ARHGEF16: variants seen among roughly 807,000 people sequenced by gnomAD.
The protein encoded by ARHGEF16 is Rho guanine nucleotide exchange factor 16.
ARHGEF16 carries 59 observed loss-of-function variants against 74.1 expected under a neutral mutation model. The ratio of observed to expected loss-of-function variants is 0.80; its 90% CI spans 0.65 to 0.99. The LOEUF is 0.99. ARHGEF16 is among the 50% of genes least tolerant of loss of function. ARHGEF16 has a pLI of 0.00. For missense variants in ARHGEF16, 948 were observed against 986.6 expected (o/e 0.96, Z 0.52); for synonymous variants, 415 against 412.6 (o/e 1.01, Z -0.07).
Position 3,474,719 on chromosome 1 carries a change from C to T in ARHGEF16, c.1317C>T (p.Leu439=), listed in dbSNP as rs771979612. The stretch of plus-strand genomic sequence containing the variant: ...TGTTGTCCATCCAGACGCTCTGCCT[C>T]AAGACCCAGGGCCACTCCGAAAGGT... ...RLPLLMDTLC[L]KTQGHSERYK... Residue 439 remains leucine, a synonymous_variant, in exon 9 of 15, where the codon CTC becomes CTT. Transcript: ENST00000378378. 147 of 1,612,750 alleles carry T rather than the reference C, an allele frequency of 9.1e-5. No individual in the cohort carries two copies. The highest frequency in any genetic ancestry group is 7.5e-4 in the Admixed American group (45 of 60,006).
At chr1:3,455,560 G>A (rs1460035436) in intron 1 of ARHGEF16, among the ~76,000 whole-genome samples, 1 of 152,222 alleles carries the variant, frequency 6.6e-6, no homozygotes, top group Non-Finnish European at 1.5e-5. Flanking sequence ...GACTGAGGGA[G>A]TGGCAGCGAT....
intron 8 of ARHGEF16, 181 bp from the exon 9 acceptor site, chr1:3,474,527 G>T (rs1639828038): frequency 8.3e-6 from 5 of 600,106 alleles, no homozygotes; most frequent in South Asian, 7.9e-5. Flanking sequence ...GCCTGACCTG[G>T]CAGAGCTCCA....
intron 11 of ARHGEF16, 101 bp from the exon 12 acceptor site, chr1:3,478,323 C>T: frequency 7.5e-7 from 1 of 1,332,110 alleles, no homozygotes; most frequent in Non-Finnish European, 1.0e-6. Flanking sequence ...TGGCTGCCTC[C>T]CCACCACTGC....
At chr1:3,465,444 G>A (rs1439193286) in intron 2 of ARHGEF16, among the ~76,000 whole-genome samples, 1 of 151,920 alleles carries the variant, frequency 6.6e-6, no homozygotes, top group Non-Finnish European at 1.5e-5. Flanking sequence ...CCTGGAGGCC[G>A]AAGGGGGGCT....
At chr1:3,477,257 TC>T (rs1170384517) in intron 10 of ARHGEF16, among the ~76,000 whole-genome samples, 5 of 54,656 alleles carry the variant, frequency 9.1e-5, no homozygotes, top group Middle Eastern at 9.6e-3. Context: ...CACTCTGCCC[TC>T]CCCCCCACCC....
At chr1:3,464,843 C>T (rs1243481598) in intron 2 of ARHGEF16, among the ~76,000 whole-genome samples, 2 of 152,230 alleles carry the variant, frequency 1.3e-5, no homozygotes, top group African/African-American at 4.8e-5. Context: ...GCTGCCTCCT[C>T]AGGCCCAGCT....
rs966932149 is a variant in ARHGEF16 at position 3,468,586 on chromosome 1, T to TC, written c.805-286dup. The TC allele has an allele frequency of 5.0e-4, 216 of 434,748 alleles. 1 individual carries two copies. Among genetic ancestry groups the TC allele is most frequent in the South Asian group, 7.2e-4 (30 of 41,932 alleles). 26.9% of individuals were successfully genotyped at this position (434,748 alleles called of 1,614,324 possible). A position where few individuals can be genotyped will look rare whatever the true frequency, so the allele number is the denominator to read the frequency against. ...TGCCGGGAAGATCTGTGGGACAAGA[T>TC]CCCCCCCCGCCCTCTGGCCTCTCCC... On this transcript the variant is annotated intron_variant, in intron 4 of 14. Transcript: ENST00000378378.
Position 3,480,735 on chromosome 1 carries a change from C to T in ARHGEF16, c.*148C>T. On this transcript the variant is annotated 3_prime_UTR_variant, in exon 15 of 15. Transcript: ENST00000378378. ...GAGCCTGTGGCTGTGGTGCCGGGCT[C>T]CAGACACTTCACGGAAGGAAGATCA... 2 of 1,108,392 alleles carry T rather than the reference C, an allele frequency of 1.8e-6. No individual in the cohort carries two copies. The highest frequency in any genetic ancestry group is 2.5e-6 in the Non-Finnish European group (2 of 798,466). The allele number at this position is 1,108,392 out of a possible 1,614,324, so 68.7% of individuals were successfully genotyped here.
intron 14 of ARHGEF16, 108 bp from the exon 15 acceptor site, chr1:3,480,340 C>A: frequency 6.8e-7 from 1 of 1,467,320 alleles, no homozygotes; most frequent in Non-Finnish European, 9.2e-7. Flanking sequence ...AGCAGGTGGT[C>A]AGTTCTAGGA....
intron 2 of ARHGEF16, among the ~76,000 whole-genome samples, chr1:3,464,279 G>C (rs1262856024): frequency 6.6e-6 from 1 of 152,196 alleles, no homozygotes. Context: ...GGGACAGAGC[G>C]TCCAGCTGGG....
chr1:3,463,726 G>A, intron 2 of ARHGEF16, 54 bp downstream of exon 2: 2 of 1,327,102 alleles, frequency 1.5e-6, no homozygotes, highest in South Asian at 2.4e-5. Flanking sequence ...CAGAGGGGCG[G>A]CCTGGCCGTC....
intron 14 of ARHGEF16, among the ~76,000 whole-genome samples, 194 bp downstream of exon 14, chr1:3,480,107 G>A (rs1309001956): frequency 1.3e-5 from 2 of 152,224 alleles, no homozygotes; most frequent in Non-Finnish European, 2.9e-5. Context: ...TGGTCACTGT[G>A]TCCCACGTGG....
rs567458301 is a variant in ARHGEF16, at chr1:3,468,782, A to G, written c.805-98A>G. ...CCTGAGCCCTGTGGGGTGGCTGTCC[A>G]TGTTGGCCCTGGTCCATCAGGAGGA... On this transcript the variant is annotated intron_variant, in intron 4 of 14. Transcript: ENST00000378378. The G allele has an allele frequency of 1.2e-5, 17 of 1,405,942 alleles. No individual in the cohort carries two copies. The East Asian group carries it at 4.2e-4, about 35-fold the overall frequency. 87.1% of individuals were successfully genotyped at this position (1,405,942 alleles called of 1,614,324 possible).
At position 3,471,869 on chromosome 1, in the gene ARHGEF16, C is replaced by CCGGCCTGGG. The variant is rs1639734371; in HGVS notation, c.1023-1207_1023-1199dup. Reference sequence around the variant, plus strand: ...CCATATGAGCTGCTGACCGGCCTGGCCGGCCTGGGCACGTACGCATGTCGT... The same window carrying CCGGCCTGGG: ...CCATATGAGCTGCTGACCGGCCTGGCCGGCCTGGGCGGCCTGGGCACGTACGCATGTCGT... On this transcript the variant is annotated intron_variant, in intron 6 of 14. Transcript: ENST00000378378. The CCGGCCTGGG allele has an allele frequency of 3.1e-5, 32 of 1,027,592 alleles. 1 individual carries two copies. In the South Asian group the frequency reaches 8.1e-4, roughly 26 times the overall value. 63.7% of individuals were successfully genotyped at this position (1,027,592 alleles called of 1,614,324 possible).
intron 14 of ARHGEF16, 48 bp downstream of exon 14, chr1:3,479,961 G>A (rs753827035): frequency 1.3e-6 from 2 of 1,572,798 alleles, no homozygotes; most frequent in East Asian, 2.3e-5. Context: ...GGACAGGCGG[G>A]CGTGAGTCAG....
chr1:3,478,250 G>A (rs758094917), intron 11 of ARHGEF16, 174 bp from the exon 12 acceptor site: 240 of 921,464 alleles, frequency 2.6e-4, no homozygotes, highest in Middle Eastern at 3.2e-4. Context: ...TGATAGCCAC[G>A]AGGAGGACTC....
Position 3,473,249 on chromosome 1 carries a change from G to A in ARHGEF16, c.1175+19G>A, listed in dbSNP as rs756008365. On this transcript the variant is annotated intron_variant, in intron 7 of 14. Coordinates refer to ENST00000378378, the MANE Select transcript of ARHGEF16 (RefSeq NM_014448.4). ...AGCTGATGTGAGTGGGCGGCCCCGAGGCCCGCAGGGTGGCTCAGGAGCATC... is the reference window on the plus strand; with the variant it reads ...AGCTGATGTGAGTGGGCGGCCCCGAAGCCCGCAGGGTGGCTCAGGAGCATC... The A allele has an allele frequency of 8.7e-6, 14 of 1,610,830 alleles. No homozygotes were observed. The highest frequency in any genetic ancestry group is 1.7e-5 in the Admixed American group (1 of 59,930).
intron 4 of ARHGEF16, 51 bp from the exon 5 acceptor site, chr1:3,468,829 C>G: frequency 6.5e-7 from 1 of 1,547,214 alleles, no homozygotes; most frequent in South Asian, 1.2e-5. Flanking sequence ...AGACTTTGGC[C>G]CAGGCTTCTA....
intron 12 of ARHGEF16, 117 bp downstream of exon 12, chr1:3,478,729 C>A: frequency 1.7e-6 from 2 of 1,195,190 alleles, no homozygotes; most frequent in Non-Finnish European, 2.3e-6. Context: ...GCCCACCGTG[C>A]ACCTGGCCCT....
Sources: gnomAD v4.1 joint callset for allele counts (sites outside exome capture counted in the v4.1 genomes callset) on GRCh38, gnomAD v4.1.1 for gene constraint, MANE v1.5 for transcripts, NCBI Gene and HGNC (gene_info 2026-07-23, HGNC 2026-07-21) for gene names.